The following GRHL2 variants were observed in gnomAD, a reference collection of about 807,000 sequenced individuals.
The protein encoded by GRHL2 is grainyhead-like protein 2 homolog.
Under a neutral mutation model 83.8 loss-of-function variants are expected in GRHL2, and 21 were observed. That is an observed-to-expected ratio of 0.25 (90% CI 0.18 to 0.36). GRHL2 has a LOEUF of 0.36. Among genes scored for constraint, GRHL2 ranks in the 10% least tolerant of loss-of-function variants. GRHL2 has a pLI of 1.00. For synonymous variants in GRHL2, 280 were observed against 278.9 expected (o/e 1.00, Z -0.04); for missense variants, 623 against 781.8 (o/e 0.80, Z 2.42).
chr8:101,502,726 A>ACCTCCTCCT (rs539176678), intron 1 of GRHL2, among the ~76,000 whole-genome samples: 2 of 149,506 alleles, frequency 1.3e-5, no homozygotes, highest in South Asian at 2.1e-4. Context: ...GAAAGGGATG[A>ACCTCCTCCT]CCTCCTCCTC....
rs1811796338 is a variant in GRHL2, at chr8:101,570,330, A to G, written c.679-9A>G. ...ATTTGTTTTAATTCCGATGACTCAT[A>G]TTTTGCAGAAATTTCGGAGTGCTTC... On this transcript the variant is annotated splice_polypyrimidine_tract_variant and intron_variant, in intron 4 of 15. Coordinates refer to ENST00000646743, the MANE Select transcript of GRHL2 (RefSeq NM_024915.4). 1.2e-6 allele frequency: 2 copies of G among 1,612,328 alleles called. No individual in the cohort carries two copies. The highest frequency in any genetic ancestry group is 2.7e-5 in the African/African-American group (2 of 74,882).
intron 1 of GRHL2, among the ~76,000 whole-genome samples, chr8:101,538,621 A>G (rs1222798464): frequency 1.3e-5 from 2 of 152,198 alleles, no homozygotes; most frequent in Admixed American, 1.3e-4. Flanking sequence ...TAAGAAGCGG[A>G]CCAGAGCAGA....
In GRHL2 at chr8:101,666,974, C is replaced by T; in HGVS notation, c.*271C>T. ...ATTTATTGCCCACCTTTTCCTGGAGCCCAGGTCCAGGCCCGCCAGGACTCT... is the reference window on the plus strand; with the variant it reads ...ATTTATTGCCCACCTTTTCCTGGAGTCCAGGTCCAGGCCCGCCAGGACTCT... On this transcript the variant is annotated 3_prime_UTR_variant, in exon 16 of 16. Coordinates refer to ENST00000646743, the MANE Select transcript of GRHL2 (RefSeq NM_024915.4). 1 of 550,062 alleles carries T rather than the reference C, an allele frequency of 1.8e-6. No homozygotes were observed. The allele number at this position is 550,062 out of a possible 1,614,324, so 34.1% of individuals were successfully genotyped here.
chr8:101,620,948 G>C (rs1400754072), intron 9 of GRHL2, among the ~76,000 whole-genome samples: 1 of 151,770 alleles, frequency 6.6e-6, no homozygotes, highest in African/African-American at 2.4e-5. Context: ...AAAATTATCG[G>C]AGTAAAGTCT....
At chr8:101,496,092 G>A (rs566059021) in intron 1 of GRHL2, among the ~76,000 whole-genome samples, 327 of 148,930 alleles carry the variant, frequency 2.2e-3, no homozygotes, top group Admixed American at 4.5e-3. Flanking sequence ...GGGTTGCAGT[G>A]AGCTGAGATC....
At chr8:101,659,055 G>C (rs1050915547) in intron 14 of GRHL2, among the ~76,000 whole-genome samples, 1 of 152,094 alleles carries the variant, frequency 6.6e-6, no homozygotes, top group Admixed American at 6.5e-5. Context: ...AAGGAAACTG[G>C]TTATATTGAT....
intron 7 of GRHL2, among the ~76,000 whole-genome samples, chr8:101,589,885 A>T (rs1812243066): frequency 6.6e-6 from 1 of 152,138 alleles, no homozygotes; most frequent in Non-Finnish European, 1.5e-5. Context: ...GTAGCAGAGG[A>T]GTCAAAGGCC....
intron 15 of GRHL2, 69 bp downstream of exon 15, chr8:101,664,587 A>T (rs995298097): frequency 8.9e-7 from 1 of 1,125,982 alleles, no homozygotes; most frequent in African/African-American, 1.5e-5. Flanking sequence ...TAAAAATAAA[A>T]TGATGCCTGT....
At chr8:101,583,240 G>A (rs1812093346) in intron 7 of GRHL2, among the ~76,000 whole-genome samples, 1 of 152,194 alleles carries the variant, frequency 6.6e-6, no homozygotes, top group African/African-American at 2.4e-5. Flanking sequence ...CAGCATGTGG[G>A]ATGGATGCAG....
downstream of GRHL2, among the ~76,000 whole-genome samples, chr8:101,674,509 A>G (rs62517403): frequency 4.6e-5 from 7 of 152,302 alleles, no homozygotes; most frequent in East Asian, 1.9e-4. Context: ...CTAAACCAGG[A>G]AGAAGTTGAA....
chr8:101,537,783 T>A (rs1486669228), intron 1 of GRHL2, among the ~76,000 whole-genome samples: 1 of 152,140 alleles, frequency 6.6e-6, no homozygotes. Flanking sequence ...TCCCCCTATA[T>A]CAAGACAAAA....
At chr8:101,537,850 TTAAAAG>T (rs1308274825) in intron 1 of GRHL2, among the ~76,000 whole-genome samples, 4 of 152,236 alleles carry the variant, frequency 2.6e-5, no homozygotes, top group African/African-American at 9.6e-5. Flanking sequence ...GAGAAGTTGA[TTAAAAG>T]TAATAATTTG....
chr8:101,672,126 C>A (rs12056533), downstream of GRHL2, among the ~76,000 whole-genome samples: 602 of 151,732 alleles, frequency 4.0e-3, 9 homozygotes, highest in East Asian at 0.02. Flanking sequence ...GAAAAACTGG[C>A]AACTCTAAAA....
At chr8:101,628,882 A>C (rs959262373) in intron 9 of GRHL2, among the ~76,000 whole-genome samples, 1 of 152,152 alleles carries the variant, frequency 6.6e-6, no homozygotes, top group Non-Finnish European at 1.5e-5. Context: ...AATTGCTGCA[A>C]TCTCATAAGA....
At chr8:101,629,106 A>G (rs1813134695) in intron 9 of GRHL2, among the ~76,000 whole-genome samples, 1 of 152,232 alleles carries the variant, frequency 6.6e-6, no homozygotes, top group African/African-American at 2.4e-5. Context: ...ATCAAACAGC[A>G]TCACGTGTTA....
At chr8:101,515,515 G>C (rs2130024839) in intron 1 of GRHL2, among the ~76,000 whole-genome samples, 1 of 152,340 alleles carries the variant, frequency 6.6e-6, no homozygotes, top group Middle Eastern at 3.4e-3. Flanking sequence ...ACCCTTCAGA[G>C]TCTGTTGAAA....
At chr8:101,513,366 C>A (rs765856805) in intron 1 of GRHL2, among the ~76,000 whole-genome samples, 1 of 151,960 alleles carries the variant, frequency 6.6e-6, no homozygotes, top group Admixed American at 6.6e-5. Context: ...GGTATATAAC[C>A]CTTAGAACAG....
chr8:101,591,354 C>A (rs761473798), intron 7 of GRHL2, among the ~76,000 whole-genome samples: 3 of 152,136 alleles, frequency 2.0e-5, no homozygotes, highest in Non-Finnish European at 4.4e-5. Context: ...TGGAATTTTT[C>A]TTTCGATCTT....
At chr8:101,650,182 T>A (rs1188445686) in intron 14 of GRHL2, among the ~76,000 whole-genome samples, 3 of 152,196 alleles carry the variant, frequency 2.0e-5, no homozygotes, top group Non-Finnish European at 4.4e-5. Context: ...GGAACACAGT[T>A]CAAAATTGTT....
Sources: gnomAD v4.1 joint callset for allele counts (sites outside exome capture counted in the v4.1 genomes callset) on GRCh38, gnomAD v4.1.1 for gene constraint, MANE v1.5 for transcripts, NCBI Gene and HGNC (gene_info 2026-07-23, HGNC 2026-07-21) for gene names.